Variants in ARB2A observed in about 807,000 individuals in gnomAD.
ARB2A encodes ARB2 cotranscriptional regulator A.
At chr5:94,002,725 T>C in the ARB2A span, among the ~76,000 whole-genome samples, 1 of 152,084 alleles carries the variant, frequency 6.6e-6, no homozygotes, top group South Asian at 2.1e-4. Context: ...AAAAGTCAAC[T>C]CTTTTAAAAT....
chr5:93,778,327 CAGA>C, the ARB2A span, among the ~76,000 whole-genome samples: 3 of 152,130 alleles, frequency 2.0e-5, no homozygotes, highest in African/African-American at 7.2e-5. Flanking sequence ...CTAGATAATG[CAGA>C]AGATTAGCAC....
chr5:93,971,774 T>A, the ARB2A span, among the ~76,000 whole-genome samples: 2 of 152,046 alleles, frequency 1.3e-5, no homozygotes, highest in African/African-American at 4.8e-5. Flanking sequence ...TTGGTTGGAT[T>A]CCTCAATTTA....
At chr5:94,088,118 C>A in the ARB2A span, among the ~76,000 whole-genome samples, 1 of 152,142 alleles carries the variant, frequency 6.6e-6, no homozygotes, top group African/African-American at 2.4e-5. Flanking sequence ...GGAGGTTCTG[C>A]TGATGAGTAA....
chr5:93,644,530 T>C, the ARB2A span, among the ~76,000 whole-genome samples: 1 of 152,206 alleles, frequency 6.6e-6, no homozygotes, highest in Admixed American at 6.5e-5. Flanking sequence ...AACATATGGA[T>C]GGTCCAACAA....
the ARB2A span, among the ~76,000 whole-genome samples, chr5:93,701,936 C>T: frequency 6.6e-6 from 1 of 152,150 alleles, no homozygotes; most frequent in Admixed American, 6.6e-5. Context: ...CATCTTTAAT[C>T]TACTTTGAAC....
At chr5:94,040,353 C>CT in the ARB2A span, among the ~76,000 whole-genome samples, 41 of 145,506 alleles carry the variant, frequency 2.8e-4, no homozygotes, top group Middle Eastern at 3.5e-3. Context: ...GCCGCCTGAA[C>CT]TTTTTTTTTT....
the ARB2A span, among the ~76,000 whole-genome samples, chr5:94,005,176 CA>C: frequency 3.3e-5 from 5 of 151,528 alleles, no homozygotes; most frequent in African/African-American, 1.2e-4. Context: ...TTGGAAGACT[CA>C]AATTTTTTGC....
chr5:94,064,104 A>G, the ARB2A span, among the ~76,000 whole-genome samples: 2,316 of 152,206 alleles, frequency 0.015, 77 homozygotes, highest in Admixed American at 0.058. Flanking sequence ...GAAATCAGAA[A>G]AACAACTCAG....
the ARB2A span, among the ~76,000 whole-genome samples, chr5:93,795,875 A>G: frequency 6.6e-6 from 1 of 152,154 alleles, no homozygotes; most frequent in African/African-American, 2.4e-5. Flanking sequence ...CAAAATCACA[A>G]ATTTCAAAAA....
chr5:93,623,065 C>A, the ARB2A span, among the ~76,000 whole-genome samples: 1 of 151,584 alleles, frequency 6.6e-6, no homozygotes, highest in East Asian at 1.9e-4. Context: ...CTAGGAGGAC[C>A]AGTTTCTGGA....
chr5:93,691,593 G>T, the ARB2A span, among the ~76,000 whole-genome samples: 1 of 152,170 alleles, frequency 6.6e-6, no homozygotes, highest in East Asian at 1.9e-4. Flanking sequence ...AACCGAGTTG[G>T]AAAACACTCT....
the ARB2A span, among the ~76,000 whole-genome samples, chr5:93,870,979 C>T: frequency 6.6e-6 from 1 of 152,292 alleles, no homozygotes; most frequent in African/African-American, 2.4e-5. Flanking sequence ...AGCATTTGTA[C>T]TTGTAAGACT....
the ARB2A span, among the ~76,000 whole-genome samples, chr5:94,031,130 C>T: frequency 1.3e-5 from 2 of 152,088 alleles, no homozygotes; most frequent in African/African-American, 4.8e-5. Flanking sequence ...ATGGAAGCAG[C>T]TTTGGAACTG....
At chr5:93,814,841 TG>T in the ARB2A span, among the ~76,000 whole-genome samples, 2 of 152,184 alleles carry the variant, frequency 1.3e-5, no homozygotes, top group Non-Finnish European at 2.9e-5. Flanking sequence ...AACACTTTTT[TG>T]GTTTGCTTGT....
chr5:93,961,543 G>A, the ARB2A span, among the ~76,000 whole-genome samples: 1 of 152,106 alleles, frequency 6.6e-6, no homozygotes, highest in African/African-American at 2.4e-5. Flanking sequence ...AATTAGCTAG[G>A]TGTGGTGGTG....
the ARB2A span, among the ~76,000 whole-genome samples, chr5:93,936,917 G>C: frequency 6.7e-6 from 1 of 150,010 alleles, no homozygotes; most frequent in Non-Finnish European, 1.5e-5. Flanking sequence ...CCACTCAACT[G>C]ATACATTTTT....
chr5:93,866,307 A>G, the ARB2A span: 1 of 978,796 alleles, frequency 1.0e-6, no homozygotes, highest in Non-Finnish European at 1.2e-6. Context: ...AGATTTTCAA[A>G]TTTATATTCT....
At chr5:93,982,901 A>G in the ARB2A span, among the ~76,000 whole-genome samples, 1 of 152,132 alleles carries the variant, frequency 6.6e-6, no homozygotes, top group Non-Finnish European at 1.5e-5. Flanking sequence ...CTAAAAATAC[A>G]AACATTAGGC....
At chr5:93,862,119 G>A in the ARB2A span, 2 of 152,120 alleles carry the variant, frequency 1.3e-5, no homozygotes, top group African/African-American at 4.8e-5. Context: ...ATTACATAGT[G>A]AAATATATTC....
Sources: gnomAD v4.1 joint callset for allele counts (sites outside exome capture counted in the v4.1 genomes callset) on GRCh38, gnomAD v4.1.1 for gene constraint, MANE v1.5 for transcripts, NCBI Gene and HGNC (gene_info 2026-07-23, HGNC 2026-07-21) for gene names.